Variants in ZC3H12D observed in about 807,000 individuals in gnomAD.
The protein encoded by ZC3H12D is probable ribonuclease ZC3H12D.
In ZC3H12D, 11 loss-of-function variants were observed where a neutral mutation model predicts 24.2. That is an observed-to-expected ratio of 0.46 (90% CI 0.29 to 0.75). The LOEUF (loss-of-function observed/expected upper bound fraction) is 0.75. Ranked by LOEUF, ZC3H12D falls within the 30% of genes least tolerant of loss-of-function variation. The pLI is 0.11. For missense variants in ZC3H12D, 740 were observed against 767.7 expected (o/e 0.96, Z 0.43); for synonymous variants, 333 against 341.8 (o/e 0.97, Z 0.28).
intron 1 of ZC3H12D, among the ~76,000 whole-genome samples, chr6:149,475,878 T>G (rs394563): frequency 0.67 from 101,404 of 151,998 alleles, 35,872 homozygotes; most frequent in African/African-American, 0.91. Context: ...TAGACAGCCT[T>G]GGTCCCTCTC....
chr6:149,452,559 G>A lies in ZC3H12D; in HGVS notation c.787+57C>T. On this transcript the variant is annotated intron_variant, in intron 5 of 5. Coordinates refer to ENST00000409806, the MANE Select transcript of ZC3H12D (RefSeq NM_207360.3). This position sits in a 1 kb window ranked among gnomAD's most constrained non-coding sequence, Gnocchi z 4.0. ...GCCAGCGCTTTTTGACTGTGCTCCTGTACTGCCCCCACACAAGGCCCTGAA... is the reference window on the plus strand; with the variant it reads ...GCCAGCGCTTTTTGACTGTGCTCCTATACTGCCCCCACACAAGGCCCTGAA... 1 of 1,387,902 alleles carries A rather than the reference G, an allele frequency of 7.2e-7. No homozygotes were observed. The highest frequency in any genetic ancestry group is 9.5e-7 in the Non-Finnish European group (1 of 1,049,170). 86.0% of individuals were successfully genotyped at this position (1,387,902 alleles called of 1,614,324 possible). A position where few individuals can be genotyped will look rare whatever the true frequency, so the allele number is the denominator to read the frequency against.
intron 1 of ZC3H12D, among the ~76,000 whole-genome samples, chr6:149,482,693 G>A (rs997710776): frequency 6.6e-6 from 1 of 152,190 alleles, no homozygotes; most frequent in Non-Finnish European, 1.5e-5. Flanking sequence ...GAGGAAAAGA[G>A]AAACAAAGAG....
At chr6:149,466,217 A>C (rs1219298677) in intron 2 of ZC3H12D, among the ~76,000 whole-genome samples, 1 of 151,916 alleles carries the variant, frequency 6.6e-6, no homozygotes. Flanking sequence ...AACAGAACCC[A>C]GTGAGGGCCC....
At chr6:149,463,188 T>C (rs1022465775) in intron 2 of ZC3H12D, among the ~76,000 whole-genome samples, 1 of 152,062 alleles carries the variant, frequency 6.6e-6, no homozygotes, top group Admixed American at 6.6e-5. Context: ...CCCTGAGAGA[T>C]GGTTGTAAAT....
At position 149,451,219 on chromosome 6, in the gene ZC3H12D, C is replaced by A; in HGVS notation, c.1048G>T (p.Ala350Ser). 7.7e-7 allele frequency: 1 copy of A among 1,306,040 alleles called. No individual in the cohort carries two copies. Among genetic ancestry groups the A allele is most frequent in the Non-Finnish European group, 9.7e-7 (1 of 1,033,736 alleles). The allele number at this position is 1,306,040 out of a possible 1,614,324, so 80.9% of individuals were successfully genotyped here. Residue 350 changes from alanine (A) to serine (S), a missense_variant, in exon 6 of 6, where the codon GCC becomes TCC. Coordinates refer to ENST00000409806, the MANE Select transcript of ZC3H12D (RefSeq NM_207360.3). ...AALRGSFSRL[A>S]FSDDLGPLGP... ...AGGGGCCCCAGGTCGTCGCTGAAGG[C>A]CAGCCGAGAGAAGCTCCCTCGCAGG...
intron 2 of ZC3H12D, among the ~76,000 whole-genome samples, chr6:149,473,851 A>G (rs1776287183): frequency 6.6e-6 from 1 of 152,096 alleles, no homozygotes. Context: ...CAGACTCCCA[A>G]CAAGAAGCCA....
chr6:149,474,164 G>C, intron 2 of ZC3H12D, 75 bp downstream of exon 2: 1 of 1,308,744 alleles, frequency 7.6e-7, no homozygotes, highest in Non-Finnish European at 1.0e-6. Context: ...CAAACCACAA[G>C]GAAGAGGGAC....
intron 2 of ZC3H12D, among the ~76,000 whole-genome samples, chr6:149,470,268 G>A (rs796506037): frequency 7.4e-4 from 113 of 152,236 alleles, no homozygotes; most frequent in African/African-American, 2.6e-3. Context: ...GCTGAGTCAG[G>A]AGAATTGCTT....
At chr6:149,474,175 A>G in intron 2 of ZC3H12D, 64 bp downstream of exon 2, 2 of 1,358,478 alleles carry the variant, frequency 1.5e-6, no homozygotes, top group South Asian at 4.0e-5. Context: ...GAAGAGGGAC[A>G]GTTCTCAGGG....
intron 2 of ZC3H12D, among the ~76,000 whole-genome samples, chr6:149,464,690 T>C (rs908879972): frequency 6.6e-6 from 1 of 152,198 alleles, no homozygotes; most frequent in African/African-American, 2.4e-5. Context: ...TGACTCACTT[T>C]AAAAGCTGTT....
At chr6:149,483,196 G>A (rs932998522) in intron 1 of ZC3H12D, 1 of 152,204 alleles carries the variant, frequency 6.6e-6, no homozygotes, top group African/African-American at 2.4e-5. Context: ...GCCCTCAGTG[G>A]AGCTGTCAGT....
chr6:149,451,717 G>A (rs991696983), intron 5 of ZC3H12D, among the ~76,000 whole-genome samples: 2 of 152,224 alleles, frequency 1.3e-5, no homozygotes, highest in Non-Finnish European at 2.9e-5. Context: ...GGGTGAGGGG[G>A]CGCTGAGCAC....
intron 2 of ZC3H12D, among the ~76,000 whole-genome samples, chr6:149,472,647 C>G (rs962743336): frequency 2.6e-5 from 4 of 152,086 alleles, no homozygotes; most frequent in African/African-American, 7.2e-5. Flanking sequence ...GCAACAGAGA[C>G]TCCCATAAAA....
At chr6:149,469,381 C>T (rs926370104) in intron 2 of ZC3H12D, among the ~76,000 whole-genome samples, 1 of 152,056 alleles carries the variant, frequency 6.6e-6, no homozygotes, top group Non-Finnish European at 1.5e-5. Context: ...TGGCGTGAAC[C>T]CGGGAGGCGG....
At position 149,481,595 on chromosome 6, in the gene ZC3H12D, G is replaced by A. The variant is rs768436124; in HGVS notation, c.-71+3218C>T. On this transcript the variant is annotated intron_variant, in intron 1 of 5. Coordinates refer to ENST00000409806, the MANE Select transcript of ZC3H12D (RefSeq NM_207360.3). ...TCACTGGGTAGGTCAAACTGGTCTC[G>A]AACTCCTGACCTCAAATGATCTGCC... 2.6e-4 allele frequency among the ~76,000 whole-genome samples: 40 copies of A among 151,646 alleles called. 1 individual carries two copies. Among genetic ancestry groups the A allele is most frequent in the Admixed American group, 5.9e-4 (9 of 15,256 alleles).
chr6:149,456,917 G>A lies in ZC3H12D; in HGVS notation c.446-17C>T, dbSNP rs1387885953. ...CGTGCTGCTCTGAGGGCGGGGCGAC[G>A]GAGACGCGGGTGAGGGCCCAAGGGC... On this transcript the variant is annotated splice_polypyrimidine_tract_variant and intron_variant, in intron 3 of 5. Transcript: ENST00000409806. The surrounding 1 kb of genome is among the most constrained non-coding windows in gnomAD (Gnocchi z 4.3). The A allele has an allele frequency of 1.3e-6, 2 of 1,588,424 alleles. No individual in the cohort carries two copies. Among genetic ancestry groups the A allele is most frequent in the Admixed American group, 1.7e-5 (1 of 59,674 alleles).
chr6:149,470,454 G>T (rs577042881), intron 2 of ZC3H12D, among the ~76,000 whole-genome samples: 17 of 152,058 alleles, frequency 1.1e-4, no homozygotes, highest in African/African-American at 4.1e-4. Flanking sequence ...AGAATCAACT[G>T]AACCCGGGAA....
rs746491047 is a variant in ZC3H12D, at chr6:149,451,364, C to T, written c.903G>A (p.Ala301=). ...TCGGTGGCCGCTGCTCCTCGGCGCC[C>T]GCGCCAGGCCGGGCCCCTGTCTTGG... ...LRAKTGARPG[A]GAEEQRPPRA... is the part of the protein sequence containing the mutation. Residue 301 remains alanine, a synonymous_variant, in exon 6 of 6, where the codon GCG becomes GCA. Coordinates refer to ENST00000409806, the MANE Select transcript of ZC3H12D (RefSeq NM_207360.3). 28 of 1,509,662 alleles carry T rather than the reference C, an allele frequency of 1.9e-5. No homozygotes were observed. The East Asian group carries it at 1.9e-4, about 10-fold the overall frequency. The allele number at this position is 1,509,662 out of a possible 1,614,324, so 93.5% of individuals were successfully genotyped here. A position where few individuals can be genotyped will look rare whatever the true frequency, so the allele number is the denominator to read the frequency against.
intron 2 of ZC3H12D, among the ~76,000 whole-genome samples, chr6:149,469,243 G>A (rs187788105): frequency 2.6e-5 from 4 of 152,282 alleles, no homozygotes; most frequent in Admixed American, 6.5e-5. Context: ...GGATCACTAA[G>A]TCAGGAGATC....
Sources: gnomAD v4.1 joint callset for allele counts (sites outside exome capture counted in the v4.1 genomes callset) on GRCh38, gnomAD v4.1.1 for gene constraint, Gnocchi (gnomAD v3.1) non-coding constraint, MANE v1.5 for transcripts, NCBI Gene and HGNC (gene_info 2026-07-23, HGNC 2026-07-21) for gene names.